Variants in JADE3 observed in about 807,000 individuals in gnomAD.
The protein encoded by JADE3 is protein Jade-3.
In JADE3, 2 loss-of-function variants were observed where a neutral mutation model predicts 50.1. The ratio of observed to expected loss-of-function variants is 0.04; its 90% CI spans 0.02 to 0.13. The LOEUF (loss-of-function observed/expected upper bound fraction) is 0.13, where lower values mean the gene tolerates loss of function less well. Ranked by LOEUF, JADE3 falls within the 10% of genes least tolerant of loss-of-function variation. The pLI is 1.00. For synonymous variants in JADE3, 218 were observed against 232.9 expected (o/e 0.94, Z 0.58); for missense variants, 475 against 634.4 (o/e 0.75, Z 2.70).
chrX:47,028,067 G>C lies in JADE3; in HGVS notation c.651G>C (p.Met217Ile). 2.5e-6 allele frequency: 3 copies of C among 1,208,890 alleles called. No homozygotes were observed. The highest frequency in any genetic ancestry group is 3.4e-6 in the Non-Finnish European group (3 of 893,067). The change falls in exon 6 of 11, where the codon ATG becomes ATC. Residue 217 changes from methionine (M) to isoleucine (I), a missense_variant. Physicochemically the swap from Met to Ile is conservative, Grantham distance 10. Around this residue, in one of 6 missense-constraint regions of JADE3, gnomAD observed 54 missense variants for 156.2 expected, o/e 0.35. Coordinates refer to ENST00000614628, the MANE Select transcript of JADE3 (RefSeq NM_014735.5). ...RSPDSEEGND[M>I]VFCDKCNVCV... is the part of the protein sequence containing the mutation. ...CAGACAGTGAAGAAGGGAATGATAT[G>C]GTGTTCTGTGATAAGTGTAACGTCT...
intron 7 of JADE3, among the ~76,000 whole-genome samples, chrX:47,035,845 A>T (rs976591969): frequency 2.7e-5 from 3 of 111,802 alleles, no homozygotes; most frequent in Non-Finnish European, 5.6e-5. Flanking sequence ...CCATCTTTTT[A>T]AAAAACATCC....
At chrX:46,980,159 T>C (rs1927713680) in intron 1 of JADE3, among the ~76,000 whole-genome samples, 1 of 110,703 alleles carries the variant, frequency 9.0e-6, no homozygotes, top group Non-Finnish European at 1.9e-5. Context: ...GGATTACAGG[T>C]GCGAGCCACC....
At position 46,986,817 on chromosome X, in the gene JADE3, T is replaced by C. The variant is rs5952978; in HGVS notation, c.126+1025T>C. ...ATGGTTTAGTGGATCCTACAGACTTTCCTCTGTGATAATTAAATGATAAAA... is the reference window on the plus strand; with the variant it reads ...ATGGTTTAGTGGATCCTACAGACTTCCCTCTGTGATAATTAAATGATAAAA... On this transcript the variant is annotated intron_variant, in intron 3 of 10. Coordinates refer to ENST00000614628, the MANE Select transcript of JADE3 (RefSeq NM_014735.5). Among the ~76,000 whole-genome samples, 356 of 112,308 alleles carry C rather than the reference T, an allele frequency of 3.2e-3. 2 individuals are homozygous for C. The highest frequency in any genetic ancestry group is 0.011 in the African/African-American group (331 of 30,940).
chrX:47,017,232 C>T (rs1337116204), intron 4 of JADE3, among the ~76,000 whole-genome samples: 1 of 111,329 alleles, frequency 9.0e-6, no homozygotes, highest in Non-Finnish European at 1.9e-5. Context: ...CCATCTTGCA[C>T]TGTAAGTTAT....
chrX:47,027,083 C>A (rs1418409835), intron 5 of JADE3, among the ~76,000 whole-genome samples: 1 of 111,976 alleles, frequency 8.9e-6, no homozygotes, highest in African/African-American at 3.2e-5. Context: ...AAGTGGAATA[C>A]TTGGGTACAT....
chrX:46,997,378 C>CA (rs1928154366), intron 3 of JADE3, among the ~76,000 whole-genome samples: 1 of 111,146 alleles, frequency 9.0e-6, no homozygotes, highest in Non-Finnish European at 1.9e-5. Context: ...ATTAGCTGGG[C>CA]ATGGTGGTAT....
At chrX:46,915,010 A>G (rs1379919294) in intron 1 of JADE3, among the ~76,000 whole-genome samples, 3 of 112,115 alleles carry the variant, frequency 2.7e-5, no homozygotes, top group African/African-American at 6.5e-5. Flanking sequence ...CTCTCCTTTA[A>G]TAATGCTTGT....
chrX:47,047,373 T>TC (rs1178054870), intron 8 of JADE3, among the ~76,000 whole-genome samples: 1 of 110,261 alleles, frequency 9.1e-6, no homozygotes, highest in Non-Finnish European at 1.9e-5. Context: ...TTGATGAAAC[T>TC]CCGTCTCTAC....
chrX:47,054,236 G>C lies in JADE3; in HGVS notation c.1051G>C (p.Asp351His). The C allele has an allele frequency of 8.3e-7, 1 of 1,209,825 alleles. No homozygotes were observed. Residue 351 changes from aspartate (D) to histidine (H), a missense_variant, in exon 9 of 11, where the codon GAT becomes CAT. By Grantham distance (81) the Asp-to-His change is moderately conservative. This residue lies in a region of JADE3 where 81 missense variants were observed against 123.8 expected (regional missense o/e 0.65). Coordinates refer to ENST00000614628, the MANE Select transcript of JADE3 (RefSeq NM_014735.5). ...CGGCCTAGAGATGAAGACCATCCTA[G>C]ATGAGGGAGACGAAGTGAAGTTCAA... The part of the protein sequence containing the change: ...EHGLEMKTIL[D>H]EGDEVKFKSY...
intron 1 of JADE3, among the ~76,000 whole-genome samples, chrX:46,940,041 G>T (rs1466611905): frequency 8.9e-6 from 1 of 112,162 alleles, no homozygotes; most frequent in Non-Finnish European, 1.9e-5. Flanking sequence ...AGACCAAATA[G>T]CCTGCAAAGC....
intron 1 of JADE3, among the ~76,000 whole-genome samples, chrX:46,929,524 C>T (rs1358047527): frequency 5.4e-5 from 6 of 111,426 alleles, no homozygotes; most frequent in Non-Finnish European, 7.5e-5. Context: ...ATTCCAAGTC[C>T]GACTCAACTT....
At chrX:47,004,521 C>A (rs2147140592) in intron 4 of JADE3, among the ~76,000 whole-genome samples, 1 of 112,122 alleles carries the variant, frequency 8.9e-6, no homozygotes, top group East Asian at 2.8e-4. Context: ...GCCTCAACCT[C>A]CTAAGCCCAA....
intron 4 of JADE3, among the ~76,000 whole-genome samples, chrX:46,999,442 TATATATATAAC>T (rs1476610128): frequency 1.9e-5 from 2 of 105,226 alleles, no homozygotes; most frequent in East Asian, 5.6e-4. Context: ...AACATATATA[TATATATATAAC>T]ATATATATAC....
chrX:46,965,201 G>A (rs1327901454), intron 1 of JADE3, among the ~76,000 whole-genome samples: 1 of 111,181 alleles, frequency 9.0e-6, no homozygotes, highest in Non-Finnish European at 1.9e-5. Context: ...TGTAGATAAT[G>A]GGATTAAAAC....
intron 4 of JADE3, among the ~76,000 whole-genome samples, chrX:47,014,296 T>C (rs1928625681): frequency 8.9e-6 from 1 of 112,280 alleles, no homozygotes. Context: ...GTTTGTGCTG[T>C]TAATCATCAG....
At chrX:47,057,742 T>C in intron 10 of JADE3, among the ~76,000 whole-genome samples, 1 of 112,041 alleles carries the variant, frequency 8.9e-6, no homozygotes, top group East Asian at 2.8e-4. Context: ...GATTAGAGGA[T>C]GGGGCCTGAA....
intron 1 of JADE3, among the ~76,000 whole-genome samples, chrX:46,944,181 C>T (rs1421979800): frequency 1.8e-5 from 2 of 108,614 alleles, no homozygotes; most frequent in East Asian, 2.9e-4. Flanking sequence ...TGTGGATTTC[C>T]GGGTCTCAGT....
At chrX:47,052,093 C>CA (rs1929521327) in intron 8 of JADE3, among the ~76,000 whole-genome samples, 2 of 111,530 alleles carry the variant, frequency 1.8e-5, no homozygotes, top group South Asian at 3.8e-4. Flanking sequence ...GACCCAGTCT[C>CA]AATCAATCAG....
intron 4 of JADE3, among the ~76,000 whole-genome samples, chrX:47,012,125 T>C (rs1928575470): frequency 8.9e-6 from 1 of 112,255 alleles, no homozygotes; most frequent in Non-Finnish European, 1.9e-5. Flanking sequence ...ATTCAGATCC[T>C]TAACTCAATT....
Sources: allele counts gnomAD v4.1 joint callset (sites outside exome capture counted in the v4.1 genomes callset), GRCh38; gene constraint gnomAD v4.1.1; regional missense constraint gnomAD v4.1.1; transcripts MANE v1.5; gene names NCBI Gene and HGNC (gene_info 2026-07-23, HGNC 2026-07-21).